The following NEGR1 variants were observed in gnomAD, a reference collection of about 807,000 sequenced individuals.
The protein encoded by NEGR1 is IgLON family member 4.
Under a neutral mutation model 40.9 loss-of-function variants are expected in NEGR1, and 10 were observed. That is an observed-to-expected ratio of 0.24 (90% CI 0.15 to 0.42). NEGR1 has a LOEUF of 0.42. NEGR1 is among the 10% of genes least tolerant of loss of function. The pLI is 1.00. For missense variants in NEGR1, 352 were observed against 438.9 expected (o/e 0.80, Z 1.77); for synonymous variants, 185 against 166.8 (o/e 1.11, Z -0.84).
chr1:71,430,738 G>A (rs1384117597), intron 6 of NEGR1, among the ~76,000 whole-genome samples: 2 of 113,066 alleles, frequency 1.8e-5, no homozygotes, highest in African/African-American at 7.1e-5. Flanking sequence ...ACGGAGTCTC[G>A]CTCTGTCACC....
chr1:71,624,365 C>T (rs949524846), intron 4 of NEGR1, among the ~76,000 whole-genome samples: 6 of 151,926 alleles, frequency 3.9e-5, no homozygotes, highest in Non-Finnish European at 7.4e-5. Context: ...GGCTTTTGCT[C>T]CTGTTACAAA....
intron 3 of NEGR1, among the ~76,000 whole-genome samples, chr1:71,763,659 C>G (rs1355357497): frequency 6.6e-6 from 1 of 151,874 alleles, no homozygotes; most frequent in Non-Finnish European, 1.5e-5. Context: ...ACCATGTTGG[C>G]TAAAATTGAT....
At chr1:71,628,436 T>G (rs765910071) in intron 4 of NEGR1, among the ~76,000 whole-genome samples, 36 of 152,066 alleles carry the variant, frequency 2.4e-4, no homozygotes, top group Non-Finnish European at 5.0e-4. Context: ...AAATTATACT[T>G]TAAGTTCTGA....
chr1:71,971,604 T>C (rs1646257201), intron 1 of NEGR1, among the ~76,000 whole-genome samples: 1 of 152,182 alleles, frequency 6.6e-6, no homozygotes, highest in South Asian at 2.1e-4. Flanking sequence ...AATGAACATA[T>C]TTCAACAATT....
intron 6 of NEGR1, chr1:71,463,462 T>A (rs775146606): frequency 1.3e-5 from 2 of 152,144 alleles, no homozygotes; most frequent in South Asian, 4.1e-4. Context: ...ATTCTCCAAG[T>A]TCTCTTTCTC....
At chr1:71,812,952 C>A (rs1658057215) in intron 2 of NEGR1, among the ~76,000 whole-genome samples, 1 of 151,988 alleles carries the variant, frequency 6.6e-6, no homozygotes. Flanking sequence ...TCCAATGCGT[C>A]AATTTTTGCT....
intron 6 of NEGR1, among the ~76,000 whole-genome samples, chr1:71,565,635 G>T (rs1489535302): frequency 1.3e-5 from 2 of 152,082 alleles, no homozygotes; most frequent in Non-Finnish European, 2.9e-5. Context: ...ACCAGGTACA[G>T]TGCAGAGACA....
intron 1 of NEGR1, among the ~76,000 whole-genome samples, chr1:72,072,940 CTTTA>C (rs1160957188): frequency 6.6e-6 from 1 of 152,108 alleles, no homozygotes; most frequent in African/African-American, 2.4e-5. Flanking sequence ...CATTTATGTA[CTTTA>C]TTTATAAATT....
At chr1:71,579,391 ACAGCATGAGAC>A (rs1649058058) in intron 6 of NEGR1, among the ~76,000 whole-genome samples, 2 of 152,224 alleles carry the variant, frequency 1.3e-5, no homozygotes, top group Non-Finnish European at 2.9e-5. Context: ...TATTCCCAAC[ACAGCATGAGAC>A]TAGGCATATA....
At position 71,644,408 on chromosome 1, in the gene NEGR1, T is replaced by C. The variant is rs181114910; in HGVS notation, c.668-33262A>G. ...TTTACATTCTCTAGGCTTCTCTTTTTTCCATAATGTTTATTGTTTTCTAAT... is the reference window on the plus strand; with the variant it reads ...TTTACATTCTCTAGGCTTCTCTTTTCTCCATAATGTTTATTGTTTTCTAAT... On this transcript the variant is annotated intron_variant, in intron 4 of 6. Transcript: ENST00000357731. Among the ~76,000 whole-genome samples the C allele has an allele frequency of 8.9e-4, 135 of 152,118 alleles. 2 individuals carry two copies. Among genetic ancestry groups the C allele is most frequent in the Non-Finnish European group, 2.9e-5 (2 of 67,956 alleles).
chr1:71,874,193 T>G (rs552462089), intron 2 of NEGR1, among the ~76,000 whole-genome samples: 2 of 152,268 alleles, frequency 1.3e-5, no homozygotes, highest in South Asian at 4.1e-4. Context: ...CATTCCACTC[T>G]TGCTTATGAA....
chr1:71,766,845 T>C (rs1458662938), intron 3 of NEGR1, among the ~76,000 whole-genome samples: 1 of 152,118 alleles, frequency 6.6e-6, no homozygotes, highest in Non-Finnish European at 1.5e-5. Flanking sequence ...TCATGACATC[T>C]TGTTGTTTAA....
rs530761069 is a variant in NEGR1, at chr1:71,403,476, T to G, written c.*3970A>C. The G allele has an allele frequency of 7.0e-4, 109 of 156,822 alleles. No homozygotes were observed. Among genetic ancestry groups the G allele is most frequent in the African/African-American group, 2.5e-3 (105 of 41,868 alleles). The allele number at this position is 156,822 out of a possible 1,614,324, so 9.7% of individuals were successfully genotyped here. A position where few individuals can be genotyped will look rare whatever the true frequency, so the allele number is the denominator to read the frequency against. On this transcript the variant is annotated 3_prime_UTR_variant, in exon 7 of 7. Coordinates refer to ENST00000357731, the MANE Select transcript of NEGR1 (RefSeq NM_173808.3). ...AGGTTCTAAATAATTAATAATAAAA[T>G]GTTTCCAGAAAATTTATTTTTAGTT...
At chr1:71,781,536 G>A (rs997367458) in intron 2 of NEGR1, among the ~76,000 whole-genome samples, 1 of 152,136 alleles carries the variant, frequency 6.6e-6, no homozygotes, top group African/African-American at 2.4e-5. Flanking sequence ...TCCATTTGGA[G>A]GCTGTCTTTA....
At chr1:72,110,230 A>AAT (rs1378918819) in intron 1 of NEGR1, among the ~76,000 whole-genome samples, 6 of 150,424 alleles carry the variant, frequency 4.0e-5, no homozygotes, top group Admixed American at 1.3e-4. Context: ...ATAAAAAAAA[A>AAT]AAAAAAAAAA....
Position 72,049,756 on chromosome 1 carries a change from T to C in NEGR1, c.177-114445A>G, listed in dbSNP as rs1383970201. The stretch of plus-strand genomic sequence containing the variant: ...ATAAGCACCATTTTTTACTCATCTT[T>C]GTATCCCAATTTTTGGCATACTGTA... On this transcript the variant is annotated intron_variant, in intron 1 of 6. Transcript: ENST00000357731. Among the ~76,000 whole-genome samples the C allele has an allele frequency of 2.0e-5, 3 of 151,642 alleles. No individual in the cohort carries two copies. The East Asian group carries it at 5.8e-4, about 29-fold the overall frequency.
At chr1:71,663,057 T>C (rs1336875689) in intron 4 of NEGR1, among the ~76,000 whole-genome samples, 4 of 151,982 alleles carry the variant, frequency 2.6e-5, no homozygotes, top group South Asian at 2.1e-4. Context: ...CCCGGGTTCA[T>C]ACCATTCTCC....
rs1179817749 is a variant in NEGR1, at chr1:71,789,499, C to T, written c.410-13202G>A. Among the ~76,000 whole-genome samples the T allele has an allele frequency of 3.9e-5, 6 of 152,074 alleles. No individual in the cohort carries two copies. In the East Asian group the frequency reaches 1.2e-3, roughly 29 times the overall value. ...AAGGAACAGAAATACTTTGCCACTT[C>T]TCCCTTTTGGCTTAAAATATTAATA... On this transcript the variant is annotated intron_variant, in intron 2 of 6. Coordinates refer to ENST00000357731, the MANE Select transcript of NEGR1 (RefSeq NM_173808.3).
rs1217868760 is a variant in NEGR1, at chr1:72,154,509, A to C, written c.176+127810T>G. Among the ~76,000 whole-genome samples the C allele has an allele frequency of 3.3e-5, 5 of 152,076 alleles. No homozygotes were observed. The East Asian group carries it at 7.7e-4, about 24-fold the overall frequency. On this transcript the variant is annotated intron_variant, in intron 1 of 6. Coordinates refer to ENST00000357731, the MANE Select transcript of NEGR1 (RefSeq NM_173808.3). ...CAAAAGCATTAAAAAAATCCTTTGA[A>C]TGAGAACGATTCTAGGAATGCCCAA...
Sources: allele counts gnomAD v4.1 joint callset (sites outside exome capture counted in the v4.1 genomes callset), GRCh38; gene constraint gnomAD v4.1.1; transcripts MANE v1.5; gene names NCBI Gene and HGNC (gene_info 2026-07-23, HGNC 2026-07-21).